Variants in TMEM154 observed in about 807,000 individuals in gnomAD.
TMEM154 encodes the protein transmembrane protein 154.
In TMEM154, 27 loss-of-function variants were observed where a neutral mutation model predicts 24.5. The ratio of observed to expected loss-of-function variants is 1.10; its 90% CI spans 0.81 to 1.52. TMEM154 has a LOEUF of 1.52. Ranked by LOEUF, TMEM154 falls within the 40% of genes most tolerant of loss-of-function variation. The pLI is 0.00. For missense variants in TMEM154, 228 were observed against 213.4 expected (o/e 1.07, Z -0.43); for synonymous variants, 67 against 76.8 (o/e 0.87, Z 0.67).
rs953858658 is a variant in TMEM154, at chr4:152,625,899, C to T, written c.*2647G>A. The stretch of plus-strand genomic sequence containing the variant: ...AAAATAAAATAAAATAATTTTACAG[C>T]TTTTGGTTCTCCTGTATTATACAGC... On this transcript the variant is annotated 3_prime_UTR_variant, in exon 7 of 7. Transcript: ENST00000304385. 1 of 152,026 alleles carries T rather than the reference C, an allele frequency of 6.6e-6. No homozygotes were observed. The highest frequency in any genetic ancestry group is 2.1e-4 in the South Asian group (1 of 4,830). 9.4% of individuals were successfully genotyped at this position (152,026 alleles called of 1,614,324 possible). A position where few individuals can be genotyped will look rare whatever the true frequency, so the allele number is the denominator to read the frequency against.
intron 3 of TMEM154, among the ~76,000 whole-genome samples, chr4:152,645,090 C>T (rs1441417708): frequency 1.4e-5 from 2 of 147,582 alleles, no homozygotes; most frequent in Non-Finnish European, 3.0e-5. Context: ...ATAATATTGG[C>T]CACAATTTCT....
Position 152,622,672 on chromosome 4 carries a change from T to C in TMEM154, c.*5874A>G, listed in dbSNP as rs1751861170. On this transcript the variant is annotated 3_prime_UTR_variant, in exon 7 of 7. Transcript: ENST00000304385. ...AAAATGGAGTTGAGAATAATTTATA[T>C]ATACATATGTATACTGACATTTATA... The C allele has an allele frequency of 1.3e-5, 2 of 152,198 alleles. No individual in the cohort carries two copies. The highest frequency in any genetic ancestry group is 4.8e-5 in the African/African-American group (2 of 41,466). 9.4% of individuals were successfully genotyped at this position (152,198 alleles called of 1,614,324 possible).
chr4:152,673,080 C>A (rs1466641043), intron 1 of TMEM154, among the ~76,000 whole-genome samples: 3 of 152,110 alleles, frequency 2.0e-5, no homozygotes, highest in Non-Finnish European at 4.4e-5. Flanking sequence ...CCTCATTACA[C>A]CCCTCCCTGA....
chr4:152,637,657 G>A (rs755684190), intron 6 of TMEM154, among the ~76,000 whole-genome samples: 9 of 152,126 alleles, frequency 5.9e-5, no homozygotes, highest in Admixed American at 2.6e-4. Context: ...TCAAGATGAA[G>A]AAATTAAAAC....
intron 3 of TMEM154, chr4:152,646,605 C>T (rs141441325): frequency 2.6e-4 from 62 of 235,668 alleles, no homozygotes; most frequent in African/African-American, 1.3e-3. Context: ...AGCTCCATCT[C>T]AAACCCCTAT....
chr4:152,645,068 C>A (rs1419460034), intron 3 of TMEM154, among the ~76,000 whole-genome samples: 1 of 152,146 alleles, frequency 6.6e-6, no homozygotes, highest in Non-Finnish European at 1.5e-5. Flanking sequence ...CAGCACCTTG[C>A]TTGCATCTTT....
At position 152,652,804 on chromosome 4, in the gene TMEM154, T is replaced by C. The variant is rs1488407508; in HGVS notation, c.188A>G (p.Asn63Ser). The change falls in exon 2 of 7, where the codon AAT becomes AGT. Residue 63 changes from asparagine to serine, a missense_variant. By Grantham distance (46) the Asn-to-Ser change is conservative. Coordinates refer to ENST00000304385, the MANE Select transcript of TMEM154 (RefSeq NM_152680.3). Reference sequence around the variant, plus strand: ...TTCATCCGGAGCAAAGTTGGTAGAATTTATATTTGCATTTAATGTTTCTTT... The same window carrying C: ...TTCATCCGGAGCAAAGTTGGTAGAACTTATATTTGCATTTAATGTTTCTTT... ...TIKETLNANI[N>S]STNFAPDENQ... 4 of 1,613,962 alleles carry C rather than the reference T, an allele frequency of 2.5e-6. No individual in the cohort carries two copies. Among genetic ancestry groups the C allele is most frequent in the Non-Finnish European group, 2.5e-6 (3 of 1,179,992 alleles).
intron 1 of TMEM154, among the ~76,000 whole-genome samples, chr4:152,661,201 A>G (rs1728593221): frequency 1.3e-5 from 2 of 151,586 alleles, no homozygotes; most frequent in Non-Finnish European, 2.9e-5. Flanking sequence ...GCCCTCACAT[A>G]TGTTTTCTGC....
At chr4:152,643,298 A>T (rs1298959527) in intron 4 of TMEM154, 125 bp from the exon 5 acceptor site, 1 of 704,098 alleles carries the variant, frequency 1.4e-6, no homozygotes, top group African/African-American at 1.8e-5. Flanking sequence ...TGCTCTAGGG[A>T]AGCCTGGGGG....
chr4:152,630,933 A>G (rs13140783), intron 6 of TMEM154, among the ~76,000 whole-genome samples: 7,974 of 152,296 alleles, frequency 0.052, 287 homozygotes, highest in Non-Finnish European at 0.077. Context: ...ATAAATATAC[A>G]ATATCTTTTT....
chr4:152,628,316 G>C lies in TMEM154; in HGVS notation c.*230C>G, dbSNP rs1751953514. 4.4e-6 allele frequency: 3 copies of C among 687,812 alleles called. No homozygotes were observed. The highest frequency in any genetic ancestry group is 7.3e-6 in the Non-Finnish European group (3 of 410,342). 42.6% of individuals were successfully genotyped at this position (687,812 alleles called of 1,614,324 possible). On this transcript the variant is annotated 3_prime_UTR_variant, in exon 7 of 7. Coordinates refer to ENST00000304385, the MANE Select transcript of TMEM154 (RefSeq NM_152680.3). Reference sequence around the variant, plus strand: ...GCCTCCTTCTCCACCCTCAGAGGCAGCGATGGATGGCAGCCAGGCCTTTTC... The same window carrying C: ...GCCTCCTTCTCCACCCTCAGAGGCACCGATGGATGGCAGCCAGGCCTTTTC...
chr4:152,678,521 G>T (rs914755607), intron 1 of TMEM154, among the ~76,000 whole-genome samples: 1 of 151,090 alleles, frequency 6.6e-6, no homozygotes, highest in Non-Finnish European at 1.5e-5. Context: ...GATTGGTTCC[G>T]GGGCGGCGGT....
chr4:152,666,771 C>G (rs1728730603), intron 1 of TMEM154: 2 of 152,262 alleles, frequency 1.3e-5, no homozygotes, highest in Admixed American at 6.5e-5. Context: ...CTTCAGGACA[C>G]AACCTGGCTA....
Position 152,671,762 on chromosome 4 carries a change from A to AAG in TMEM154, c.64+8107_64+8108insCT, listed in dbSNP as rs1433735304. Among the ~76,000 whole-genome samples, 40 of 149,932 alleles carry AAG rather than the reference A, an allele frequency of 2.7e-4. 1 individual carries two copies. The highest frequency in any genetic ancestry group is 4.3e-4 in the Non-Finnish European group (29 of 67,428). Reference sequence around the variant, plus strand: ...ACTCCGTCTCAAAAAAAAAAAAAAAAAAAAAAGAAAAGAAAATAGCCTAGG... The same window carrying AAG: ...ACTCCGTCTCAAAAAAAAAAAAAAAAAGAAAAAAGAAAAGAAAATAGCCTAGG... On this transcript the variant is annotated intron_variant, in intron 1 of 6. Transcript: ENST00000304385.
intron 3 of TMEM154, among the ~76,000 whole-genome samples, chr4:152,651,203 G>C (rs1476350338): frequency 1.4e-5 from 2 of 139,698 alleles, no homozygotes; most frequent in Non-Finnish European, 3.1e-5. Flanking sequence ...TTTTTTTTAA[G>C]TAGGGACAGG....
intron 1 of TMEM154, among the ~76,000 whole-genome samples, chr4:152,675,871 C>A (rs1428810547): frequency 6.6e-6 from 1 of 152,178 alleles, no homozygotes; most frequent in African/African-American, 2.4e-5. Flanking sequence ...CCATCCCAGT[C>A]AATATCTTCC....
intron 4 of TMEM154, among the ~76,000 whole-genome samples, chr4:152,643,567 G>T (rs1294433206): frequency 2.0e-5 from 3 of 152,228 alleles, no homozygotes; most frequent in South Asian, 4.1e-4. Context: ...GGGGTTTTTT[G>T]ATCAGTGCCC....
chr4:152,678,013 G>C (rs900269375), intron 1 of TMEM154, among the ~76,000 whole-genome samples: 1 of 152,084 alleles, frequency 6.6e-6, no homozygotes, highest in Non-Finnish European at 1.5e-5. Flanking sequence ...CCAGGGAAGG[G>C]GCAGAGAAAG....
At chr4:152,644,783 G>A (rs1752324473) in intron 3 of TMEM154, among the ~76,000 whole-genome samples, 2 of 152,172 alleles carry the variant, frequency 1.3e-5, no homozygotes, top group South Asian at 4.1e-4. Context: ...CTTGCTCCTT[G>A]GCCTCCTTCA....
Sources: gnomAD v4.1 joint callset for allele counts (sites outside exome capture counted in the v4.1 genomes callset) on GRCh38, gnomAD v4.1.1 for gene constraint, MANE v1.5 for transcripts, NCBI Gene and HGNC (gene_info 2026-07-23, HGNC 2026-07-21) for gene names.